The following DIP2C variants were observed in gnomAD, a reference collection of about 807,000 sequenced individuals.
DIP2C encodes the protein DIP2 acetate--CoA ligase C (putative), also known as disco-interacting protein 2 homolog C.
Under a neutral mutation model 192.4 loss-of-function variants are expected in DIP2C, and 33 were observed. That is an observed-to-expected ratio of 0.17 (90% CI 0.13 to 0.23). DIP2C has a LOEUF of 0.23. DIP2C is among the 10% of genes least tolerant of loss of function. The pLI is 1.00. For synonymous variants in DIP2C, 979 were observed against 864.1 expected, an observed-to-expected ratio of 1.13 and a Z score of -2.33; for missense variants, 1,537 against 2,110.1, an observed-to-expected ratio of 0.73 and a Z score of 5.32.
chr10:390,943 A>C (rs1488956162), intron 10 of DIP2C, 80 bp from the exon 11 acceptor site: 1 of 1,565,088 alleles, frequency 6.4e-7, no homozygotes, highest in Non-Finnish European at 8.6e-7. Context: ...TCCAGCGTTC[A>C]CACAGACCCT....
intron 1 of DIP2C, among the ~76,000 whole-genome samples, chr10:533,670 G>A (rs575279839): frequency 1.4e-4 from 21 of 146,468 alleles, no homozygotes; most frequent in African/African-American, 4.3e-4. Context: ...AAAAAGCCAC[G>A]TACCTCCCTC....
chr10:412,591 A>T (rs149377401), intron 8 of DIP2C, among the ~76,000 whole-genome samples: 1 of 152,228 alleles, frequency 6.6e-6, no homozygotes, highest in African/African-American at 2.4e-5. Flanking sequence ...TACGAAACGC[A>T]CGCTCCCAAA....
chr10:468,555 G>A (rs976676822), intron 3 of DIP2C, among the ~76,000 whole-genome samples: 1 of 152,212 alleles, frequency 6.6e-6, no homozygotes, highest in Non-Finnish European at 1.5e-5. Flanking sequence ...GAGGTCGGGA[G>A]TTCTAGACCA....
At chr10:418,808 ATTTC>A (rs780105844) in intron 6 of DIP2C, among the ~76,000 whole-genome samples, 10 of 152,222 alleles carry the variant, frequency 6.6e-5, no homozygotes, top group African/African-American at 2.4e-4. Flanking sequence ...AAATTCTAAA[ATTTC>A]TTTTTCTTCT....
intron 1 of DIP2C, among the ~76,000 whole-genome samples, chr10:532,995 C>T (rs1255416243): frequency 6.6e-6 from 1 of 152,164 alleles, no homozygotes; most frequent in Non-Finnish European, 1.5e-5. Context: ...GCTGGGATTA[C>T]AGGTGTGAGC....
chr10:543,055 G>GTGA (rs1173361863), intron 1 of DIP2C, among the ~76,000 whole-genome samples: 1 of 152,164 alleles, frequency 6.6e-6, no homozygotes, highest in Non-Finnish European at 1.5e-5. Flanking sequence ...GAAACATTGA[G>GTGA]TGATGATGAT....
At chr10:414,906 ATTT>A (rs66514106) in intron 7 of DIP2C, among the ~76,000 whole-genome samples, 144 of 83,180 alleles carry the variant, frequency 1.7e-3, no homozygotes, top group East Asian at 5.1e-3. Context: ...ATATATATAT[ATTT>A]TTTTTTTTTT....
At chr10:467,156 G>A (rs1477007885) in intron 3 of DIP2C, among the ~76,000 whole-genome samples, 3 of 152,026 alleles carry the variant, frequency 2.0e-5, no homozygotes, top group Admixed American at 1.3e-4. Flanking sequence ...ATGATAGACT[G>A]GATTAAGAAA....
chr10:469,938 A>T (rs1363484319), intron 3 of DIP2C, among the ~76,000 whole-genome samples: 1 of 152,172 alleles, frequency 6.6e-6, no homozygotes, highest in Non-Finnish European at 1.5e-5. Flanking sequence ...TACACGAATG[A>T]ACAGAACAGA....
intron 2 of DIP2C, 145 bp downstream of exon 2, chr10:486,314 A>G (rs1844011302): frequency 3.0e-6 from 2 of 677,028 alleles, no homozygotes. Context: ...TGATCACTCA[A>G]AGGAACTGAA....
chr10:351,518 TG>T (rs1757748135), intron 24 of DIP2C, among the ~76,000 whole-genome samples: 1 of 152,202 alleles, frequency 6.6e-6, no homozygotes, highest in Admixed American at 6.5e-5. Flanking sequence ...GTCTCCTCCA[TG>T]GAGAGGATTA....
At chr10:407,993 G>A (rs1408962182) in intron 9 of DIP2C, among the ~76,000 whole-genome samples, 1 of 152,076 alleles carries the variant, frequency 6.6e-6, no homozygotes, top group Non-Finnish European at 1.5e-5. Flanking sequence ...AGAAACTGTT[G>A]CCAAATCCAG....
intron 1 of DIP2C, among the ~76,000 whole-genome samples, chr10:487,402 T>C (rs948976751): frequency 1.3e-5 from 2 of 152,060 alleles, no homozygotes; most frequent in Non-Finnish European, 2.9e-5. Context: ...CTTTTCCTAG[T>C]GAAAGGCGGG....
intron 32 of DIP2C, among the ~76,000 whole-genome samples, chr10:289,711 C>T (rs1450482856): frequency 6.6e-6 from 1 of 152,076 alleles, no homozygotes; most frequent in South Asian, 2.1e-4. Context: ...TGAGTGTCTC[C>T]GGGCCCTGAG....
rs1223402466 is a variant in DIP2C at position 425,107 on chromosome 10, A to G, written c.395-2074T>C. 2.5e-4 allele frequency among the ~76,000 whole-genome samples: 5 copies of G among 20,302 alleles called. 1 individual carries two copies. The Admixed American group carries it at 2.9e-3, about 12-fold the overall frequency. The allele number at this position is 20,302 out of a possible 152,430, so 13.3% of individuals were successfully genotyped here. On this transcript the variant is annotated intron_variant, in intron 4 of 36. Coordinates refer to ENST00000280886, the MANE Select transcript of DIP2C (RefSeq NM_014974.3). ...AGCGGTGACTAATATGACACGGATG[A>G]TACAGCATGACCAGCAGTGACTAAT...
intron 1 of DIP2C, among the ~76,000 whole-genome samples, chr10:569,261 G>A (rs1849637917): frequency 1.3e-5 from 2 of 152,288 alleles, no homozygotes; most frequent in Middle Eastern, 3.4e-3. Flanking sequence ...CAGCTACAAA[G>A]TGTTTCTATA....
intron 32 of DIP2C, among the ~76,000 whole-genome samples, chr10:290,126 G>A (rs1014971091): frequency 2.0e-5 from 3 of 152,214 alleles, no homozygotes; most frequent in Non-Finnish European, 2.9e-5. Context: ...GCATCAGCAG[G>A]AGTCTGATGA....
chr10:284,471 C>G (rs766211516), intron 34 of DIP2C, among the ~76,000 whole-genome samples: 1 of 152,174 alleles, frequency 6.6e-6, no homozygotes. Context: ...ACCTGGAAGA[C>G]GTTGTGCTGA....
At chr10:589,476 G>T (rs1466801651) in intron 1 of DIP2C, among the ~76,000 whole-genome samples, 1 of 152,076 alleles carries the variant, frequency 6.6e-6, no homozygotes, top group Non-Finnish European at 1.5e-5. Flanking sequence ...TACATTCAGG[G>T]TTATGGTCCA....
Sources: allele counts gnomAD v4.1 joint callset (sites outside exome capture counted in the v4.1 genomes callset), GRCh38; gene constraint gnomAD v4.1.1; transcripts MANE v1.5; gene names NCBI Gene and HGNC (gene_info 2026-07-23, HGNC 2026-07-21).